Variants in WIF1 observed in about 807,000 individuals in gnomAD.
The protein encoded by WIF1 is Wnt inhibitory factor 1.
A neutral mutation model predicts 53.5 loss-of-function variants in WIF1; 35 were observed. That is an observed-to-expected ratio of 0.65 (90% CI 0.50 to 0.87). The LOEUF (loss-of-function observed/expected upper bound fraction) is 0.87, where lower values mean the gene tolerates loss of function less well. WIF1 is among the 40% of genes least tolerant of loss of function. The probability of loss-of-function intolerance (pLI) is 0.00; values close to 1 mark genes in which losing one functional copy is unlikely to be tolerated. For missense variants in WIF1, 467 were observed against 476.8 expected, an observed-to-expected ratio of 0.98 and a Z score of 0.19; for synonymous variants, 171 against 170.4, an observed-to-expected ratio of 1.00 and a Z score of -0.03.
chr12:65,054,231 G>T (rs1195305132), intron 9 of WIF1: 1 of 152,128 alleles, frequency 6.6e-6, no homozygotes, highest in African/African-American at 2.4e-5. Flanking sequence ...TTTTCGAAGA[G>T]TATGGTATGT....
rs1457168491 is a variant in WIF1 at position 65,108,175 on chromosome 12, C to T, written c.288+12242G>A. On this transcript the variant is annotated intron_variant, in intron 2 of 9. Transcript: ENST00000286574. ...GTTATATGGGTTATATCTGTTTCCA[C>T]ATTAGACTGTGATCCCCTTGAGAGC... Among the ~76,000 whole-genome samples the T allele has an allele frequency of 2.6e-5, 4 of 152,202 alleles. No individual in the cohort carries two copies. In the East Asian group the frequency reaches 7.7e-4, roughly 29 times the overall value.
At chr12:65,099,551 G>C (rs1186512376) in intron 2 of WIF1, among the ~76,000 whole-genome samples, 5 of 152,168 alleles carry the variant, frequency 3.3e-5, no homozygotes, top group Non-Finnish European at 7.3e-5. Context: ...AAATTTAGCA[G>C]AAGTTAGCAG....
At chr12:65,120,901 T>C (rs1455666582) in intron 1 of WIF1, 143 bp downstream of exon 1, 3 of 1,146,486 alleles carry the variant, frequency 2.6e-6, no homozygotes, top group East Asian at 2.9e-5. Context: ...AGCTTTCAGA[T>C]GGAAAATATC....
chr12:65,077,605 ACAGT>A, intron 3 of WIF1, 137 bp downstream of exon 3: 1 of 617,216 alleles, frequency 1.6e-6, no homozygotes, highest in Non-Finnish European at 2.8e-6. Context: ...CCAAAGAATA[ACAGT>A]CAAACTGTCC....
intron 2 of WIF1, among the ~76,000 whole-genome samples, chr12:65,117,047 T>C (rs1883523611): frequency 1.3e-5 from 2 of 151,822 alleles, no homozygotes; most frequent in South Asian, 4.2e-4. Flanking sequence ...ACTCTTCCCA[T>C]GGCCCCAAAT....
chr12:65,106,250 C>T (rs1883349775), intron 2 of WIF1, among the ~76,000 whole-genome samples: 1 of 151,982 alleles, frequency 6.6e-6, no homozygotes, highest in Non-Finnish European at 1.5e-5. Flanking sequence ...CAAATGTAAG[C>T]CCACAGGCTG....
intron 3 of WIF1, 28 bp from the exon 4 acceptor site, chr12:65,068,932 G>T: frequency 6.2e-6 from 10 of 1,607,646 alleles, no homozygotes; most frequent in Non-Finnish European, 8.5e-6. Flanking sequence ...AAAGTGTGGA[G>T]AAATAGTTAA....
At chr12:65,112,469 T>A (rs988274954) in intron 2 of WIF1, among the ~76,000 whole-genome samples, 10 of 140,704 alleles carry the variant, frequency 7.1e-5, no homozygotes, top group African/African-American at 2.7e-4. Context: ...GAGCTGAGAC[T>A]AATCATTGCA....
At chr12:65,056,803 C>A (rs1490497496) in intron 7 of WIF1, among the ~76,000 whole-genome samples, 1 of 151,862 alleles carries the variant, frequency 6.6e-6, no homozygotes, top group East Asian at 2.0e-4. Context: ...ACATGTGCCA[C>A]CATGCCCAGC....
chr12:65,112,633 G>A (rs73312851), intron 2 of WIF1, among the ~76,000 whole-genome samples: 24,054 of 152,098 alleles, frequency 0.16, 2,565 homozygotes, highest in African/African-American at 0.3. Flanking sequence ...ACTTCCCTGA[G>A]TTGTTTCTAT....
chr12:65,075,586 TA>T (rs1458107435), intron 3 of WIF1, among the ~76,000 whole-genome samples: 1 of 152,196 alleles, frequency 6.6e-6, no homozygotes, highest in African/African-American at 2.4e-5. Flanking sequence ...ACTTCTCATG[TA>T]AGAAAAGTTA....
At chr12:65,097,332 A>G (rs1243051184) in intron 2 of WIF1, among the ~76,000 whole-genome samples, 6 of 152,162 alleles carry the variant, frequency 3.9e-5, no homozygotes, top group African/African-American at 7.2e-5. Flanking sequence ...ACAAGAAACA[A>G]TAGAGATATC....
At chr12:65,088,592 CT>C (rs1163950255) in intron 2 of WIF1, among the ~76,000 whole-genome samples, 7 of 152,142 alleles carry the variant, frequency 4.6e-5, no homozygotes, top group African/African-American at 1.7e-4. Flanking sequence ...TAAAAGGTTA[CT>C]GATGATTTCC....
intron 2 of WIF1, among the ~76,000 whole-genome samples, chr12:65,085,025 C>T (rs1405942023): frequency 1.3e-5 from 2 of 152,132 alleles, no homozygotes; most frequent in Non-Finnish European, 2.9e-5. Flanking sequence ...CAATGAGGCT[C>T]CCAGAAAGAA....
At chr12:65,110,096 T>C (rs987278065) in intron 2 of WIF1, among the ~76,000 whole-genome samples, 1 of 152,200 alleles carries the variant, frequency 6.6e-6, no homozygotes, top group Non-Finnish European at 1.5e-5. Flanking sequence ...AGAATCATAA[T>C]ATTTTAGAAT....
chr12:65,104,150 G>A (rs1345348792), intron 2 of WIF1, among the ~76,000 whole-genome samples: 3 of 152,054 alleles, frequency 2.0e-5, no homozygotes, highest in African/African-American at 2.4e-5. Flanking sequence ...TTAGAAGAGC[G>A]GCTGGCAGAC....
intron 7 of WIF1, among the ~76,000 whole-genome samples, chr12:65,058,074 T>C (rs955368172): frequency 1.6e-5 from 2 of 123,494 alleles, no homozygotes; most frequent in South Asian, 3.2e-4. Context: ...CACCTCTTCA[T>C]TGACCAAAAG....
intron 2 of WIF1, among the ~76,000 whole-genome samples, chr12:65,102,156 C>T (rs1883291543): frequency 6.6e-6 from 1 of 152,182 alleles, no homozygotes; most frequent in Admixed American, 6.5e-5. Context: ...TTTTGCTTCT[C>T]TTTGATAGTA....
chr12:65,073,911 A>ATG (rs1243216794), intron 3 of WIF1, among the ~76,000 whole-genome samples: 2 of 151,908 alleles, frequency 1.3e-5, no homozygotes, highest in Non-Finnish European at 2.9e-5. Context: ...TATGCAAAGG[A>ATG]TGTGTGTGTG....
Sources: gnomAD v4.1 joint callset for allele counts (sites outside exome capture counted in the v4.1 genomes callset) on GRCh38, gnomAD v4.1.1 for gene constraint, MANE v1.5 for transcripts, NCBI Gene and HGNC (gene_info 2026-07-23, HGNC 2026-07-21) for gene names.